EYS: variants seen among roughly 807,000 people sequenced by gnomAD.
EYS encodes EGF-like photoreceptor maintenance factor.
Under a neutral mutation model 282.1 loss-of-function variants are expected in EYS, and 250 were observed. That is an observed-to-expected ratio of 0.89 (90% CI 0.80 to 0.98). The LOEUF is 0.98. Among genes scored for constraint, EYS ranks in the 50% least tolerant of loss-of-function variants. The probability of loss-of-function intolerance (pLI) is 0.00; values close to 1 mark genes in which losing one functional copy is unlikely to be tolerated. For synonymous variants in EYS, 1,355 were observed against 1,282.9 expected (o/e 1.06, Z -1.20); for missense variants, 4,016 against 3,709.0 (o/e 1.08, Z -2.15).
At chr6:64,942,994 G>A (rs1769148966) in intron 15 of EYS, among the ~76,000 whole-genome samples, 1 of 151,940 alleles carries the variant, frequency 6.6e-6, no homozygotes, top group Admixed American at 6.6e-5. Context: ...GCCTAATATG[G>A]CAGCACATCA....
chr6:64,479,182 T>C (rs1776363318), intron 26 of EYS, among the ~76,000 whole-genome samples: 1 of 152,018 alleles, frequency 6.6e-6, no homozygotes, highest in Non-Finnish European at 1.5e-5. Context: ...TACAGTTCTT[T>C]ATGTCTTTCT....
Position 64,918,319 on chromosome 6 carries a change from A to G in EYS, c.2382-5576T>C, listed in dbSNP as rs1407698262. Among the ~76,000 whole-genome samples the G allele has an allele frequency of 1.8e-4, 28 of 152,282 alleles. 1 individual carries two copies. ...AGAAGATTGATATGGGTAAAATGAAAGTGAGGAGGTAGCCTAAAAACAGTA... is the reference window on the plus strand; with the variant it reads ...AGAAGATTGATATGGGTAAAATGAAGGTGAGGAGGTAGCCTAAAAACAGTA... On this transcript the variant is annotated intron_variant, in intron 15 of 42. Coordinates refer to ENST00000503581, the MANE Select transcript of EYS (RefSeq NM_001142800.2).
At chr6:63,890,366 A>C (rs1488984509) in intron 35 of EYS, among the ~76,000 whole-genome samples, 2 of 152,226 alleles carry the variant, frequency 1.3e-5, no homozygotes, top group Non-Finnish European at 2.9e-5. Context: ...CTCCTCAGTA[A>C]ATGCAAAAGA....
At chr6:65,607,855 A>C (rs1032218583) in intron 2 of EYS, among the ~76,000 whole-genome samples, 1 of 152,038 alleles carries the variant, frequency 6.6e-6, no homozygotes, top group Non-Finnish European at 1.5e-5. Context: ...AGAAAATTAC[A>C]TTTCATCTTA....
At chr6:65,409,617 G>C (rs1253586500) in intron 5 of EYS, among the ~76,000 whole-genome samples, 1 of 152,032 alleles carries the variant, frequency 6.6e-6, no homozygotes, top group East Asian at 1.9e-4. Context: ...TGAAAATTAA[G>C]GTATTCGTAC....
At chr6:65,081,214 A>T (rs1328522499) in intron 12 of EYS, among the ~76,000 whole-genome samples, 8 of 152,072 alleles carry the variant, frequency 5.3e-5, no homozygotes, top group Admixed American at 5.3e-4. Flanking sequence ...TACTGAAATG[A>T]CCATTTTCTA....
chr6:63,884,589 G>C (rs190918723), intron 35 of EYS, among the ~76,000 whole-genome samples: 1 of 152,052 alleles, frequency 6.6e-6, no homozygotes, highest in African/African-American at 2.4e-5. Flanking sequence ...GACCAAGTTC[G>C]TGCATGGGGA....
chr6:64,211,306 G>A (rs978718044), intron 31 of EYS, among the ~76,000 whole-genome samples: 8 of 152,102 alleles, frequency 5.3e-5, no homozygotes, highest in Non-Finnish European at 7.4e-5. Context: ...ACAACAAATG[G>A]AGACTTTAGG....
At chr6:64,816,837 A>G (rs1483301423) in intron 21 of EYS, among the ~76,000 whole-genome samples, 2 of 152,084 alleles carry the variant, frequency 1.3e-5, no homozygotes, top group Non-Finnish European at 2.9e-5. Flanking sequence ...CACAGAAAGA[A>G]TTTTTAAGAG....
chr6:64,944,756 G>A (rs185325074), intron 15 of EYS, among the ~76,000 whole-genome samples: 7 of 151,982 alleles, frequency 4.6e-5, no homozygotes, highest in Non-Finnish European at 1.0e-4. Flanking sequence ...TATAAAACCC[G>A]ATTGTACATT....
intron 13 of EYS, among the ~76,000 whole-genome samples, chr6:65,027,741 T>C (rs1561928709): frequency 6.6e-6 from 1 of 152,162 alleles, no homozygotes; most frequent in African/African-American, 2.4e-5. Context: ...CTTTGTTCCT[T>C]TTTAGTGCCA....
intron 22 of EYS, among the ~76,000 whole-genome samples, chr6:64,784,145 C>A (rs1314694972): frequency 6.6e-6 from 1 of 151,952 alleles, no homozygotes; most frequent in East Asian, 1.9e-4. Context: ...TGATATCTTT[C>A]TAATCAATAT....
At position 63,762,629 on chromosome 6, in the gene EYS, T is replaced by G. The variant is rs749480447; in HGVS notation, c.7903A>C (p.Asn2635His). The G allele has an allele frequency of 6.5e-7, 1 of 1,549,638 alleles. No homozygotes were observed. Among genetic ancestry groups the G allele is most frequent in the African/African-American group, 1.4e-5 (1 of 72,896 alleles). ...GATCCTTTCCACCCAGTGGTACAAT[T>G]GCAGCTGTGGGTTGAGAGAAAGCCG... The part of the protein sequence containing the change: ...CIESGTSVYC[N>H]CTTGWKGSFC... Residue 2635 changes from asparagine to histidine, a missense_variant, in exon 41 of 43, where the codon AAT becomes CAT. Coordinates refer to ENST00000503581, the MANE Select transcript of EYS (RefSeq NM_001142800.2).
At chr6:65,555,129 C>T (rs1168183411) in intron 2 of EYS, among the ~76,000 whole-genome samples, 1 of 152,020 alleles carries the variant, frequency 6.6e-6, no homozygotes, top group East Asian at 1.9e-4. Flanking sequence ...GTGATAGTTA[C>T]AGTCACTATC....
At chr6:64,243,148 G>A (rs1043039557) in intron 30 of EYS, among the ~76,000 whole-genome samples, 8 of 151,436 alleles carry the variant, frequency 5.3e-5, no homozygotes, top group African/African-American at 1.2e-4. Flanking sequence ...CATAAAGTGA[G>A]TATTTTTATT....
chr6:64,989,832 ACT>A (rs1562289979), intron 14 of EYS, among the ~76,000 whole-genome samples: 2 of 139,500 alleles, frequency 1.4e-5, no homozygotes, highest in Non-Finnish European at 1.6e-5. Flanking sequence ...ACACACACAC[ACT>A]CACACACACT....
intron 29 of EYS, among the ~76,000 whole-genome samples, chr6:64,327,147 C>T (rs937753668): frequency 6.6e-6 from 1 of 152,004 alleles, no homozygotes; most frequent in African/African-American, 2.4e-5. Flanking sequence ...ACTATGTGCT[C>T]TGAGGTGAAT....
chr6:63,765,052 G>A (rs1769750520), intron 40 of EYS, among the ~76,000 whole-genome samples: 1 of 151,988 alleles, frequency 6.6e-6, no homozygotes, highest in African/African-American at 2.4e-5. Context: ...CCCTGAGGAG[G>A]AGTAGATTTT....
chr6:64,525,468 A>G (rs1582852740), intron 26 of EYS, among the ~76,000 whole-genome samples: 1 of 151,808 alleles, frequency 6.6e-6, no homozygotes, highest in Non-Finnish European at 1.5e-5. Context: ...TGGGAGCTGA[A>G]TAATGAGAAC....
Sources: allele counts gnomAD v4.1 joint callset (sites outside exome capture counted in the v4.1 genomes callset), GRCh38; gene constraint gnomAD v4.1.1; transcripts MANE v1.5; gene names NCBI Gene and HGNC (gene_info 2026-07-23, HGNC 2026-07-21).